Variants in AIG1 observed in about 807,000 individuals in gnomAD.
AIG1 encodes the protein androgen-induced gene 1 protein.
A neutral mutation model predicts 31.4 loss-of-function variants in AIG1; 23 were observed. The observed-to-expected ratio is 0.73, with a 90% CI of 0.53 to 1.04. AIG1 has a LOEUF of 1.04. Among genes scored for constraint, AIG1 ranks in the 50% least tolerant of loss-of-function variants. The pLI is 0.00. For synonymous variants in AIG1, 100 were observed against 110.5 expected (o/e 0.90, Z 0.60); for missense variants, 274 against 295.0 (o/e 0.93, Z 0.52).
intron 2 of AIG1, among the ~76,000 whole-genome samples, chr6:143,139,572 T>C (rs956047682): frequency 3.3e-5 from 5 of 152,302 alleles, no homozygotes; most frequent in Admixed American, 6.5e-5. Context: ...TCTTTCATAA[T>C]CATCCCTGTT....
At chr6:143,214,867 C>T (rs1035296506) in intron 3 of AIG1, among the ~76,000 whole-genome samples, 1 of 152,182 alleles carries the variant, frequency 6.6e-6, no homozygotes, top group Non-Finnish European at 1.5e-5. Context: ...TCCTGTTTCT[C>T]CCTACAAACT....
chr6:143,234,529 A>T (rs577019253), intron 3 of AIG1, among the ~76,000 whole-genome samples: 25 of 152,330 alleles, frequency 1.6e-4, no homozygotes, highest in African/African-American at 6.0e-4. Flanking sequence ...GAAAACATTG[A>T]TTGAGAGCTG....
intron 1 of AIG1, among the ~76,000 whole-genome samples, chr6:143,072,577 AT>A (rs541291286): frequency 8.8e-4 from 131 of 149,632 alleles, no homozygotes; most frequent in East Asian, 2.0e-3. Context: ...TTAGATATAG[AT>A]TTTTTTTTTG....
rs9496549 is a variant in AIG1, at chr6:143,266,831, C to T, written c.400-17279C>T. Reference sequence around the variant, plus strand: ...GGAACACACCTGTAGTTTAGCCCTACGCAGGAGGCTGAAGTGGAAGGATTG... The same window carrying T: ...GGAACACACCTGTAGTTTAGCCCTATGCAGGAGGCTGAAGTGGAAGGATTG... On this transcript the variant is annotated intron_variant, in intron 3 of 5. Transcript: ENST00000357847. Among the ~76,000 whole-genome samples, 1,018 of 152,172 alleles carry T rather than the reference C, an allele frequency of 6.7e-3. 11 individuals are homozygous for T. The highest frequency in any genetic ancestry group is 0.023 in the African/African-American group (967 of 41,494).
intron 4 of AIG1, among the ~76,000 whole-genome samples, chr6:143,313,151 C>A (rs1775448262): frequency 6.6e-6 from 1 of 152,048 alleles, no homozygotes; most frequent in African/African-American, 2.4e-5. Flanking sequence ...TTTGGAGCCT[C>A]TTCAAAAAAC....
At chr6:143,062,385 A>G (rs144786460) in intron 1 of AIG1, among the ~76,000 whole-genome samples, 79 of 152,270 alleles carry the variant, frequency 5.2e-4, no homozygotes, top group Middle Eastern at 3.4e-3. Context: ...AACATGCGTG[A>G]TGCCTGCCAG....
chr6:143,079,599 A>G (rs1778026680), intron 1 of AIG1, among the ~76,000 whole-genome samples: 1 of 152,128 alleles, frequency 6.6e-6, no homozygotes, highest in Non-Finnish European at 1.5e-5. Flanking sequence ...TATGTTTTCA[A>G]TATCTACTTT....
At chr6:143,342,649 C>T (rs879068796), downstream of AIG1, 2 of 1,204,610 alleles carry the variant, frequency 1.7e-6, no homozygotes, top group Admixed American at 1.7e-5. Flanking sequence ...ATTTTGATGG[C>T]ATAAAAGCTG....
intron 2 of AIG1, among the ~76,000 whole-genome samples, chr6:143,159,091 G>A (rs1198232082): frequency 6.6e-6 from 1 of 152,256 alleles, no homozygotes; most frequent in Non-Finnish European, 1.5e-5. Context: ...TGGCTTCCAT[G>A]TGGAGGTGCT....
chr6:143,295,584 C>A (rs1798367404), intron 4 of AIG1, among the ~76,000 whole-genome samples: 1 of 152,104 alleles, frequency 6.6e-6, no homozygotes, highest in Non-Finnish European at 1.5e-5. Context: ...GTGCCACAAA[C>A]AAATCCCACC....
intron 1 of AIG1, among the ~76,000 whole-genome samples, chr6:143,103,891 C>G (rs1780564801): frequency 6.6e-6 from 1 of 152,040 alleles, no homozygotes; most frequent in Non-Finnish European, 1.5e-5. Context: ...TGGTCACTGG[C>G]CAGGATTCAT....
At chr6:143,233,222 C>G (rs1295280524) in intron 3 of AIG1, among the ~76,000 whole-genome samples, 1 of 152,182 alleles carries the variant, frequency 6.6e-6, no homozygotes, top group Non-Finnish European at 1.5e-5. Flanking sequence ...CACGGACCAT[C>G]AGGGTGGCTC....
intron 1 of AIG1, 86 bp from the exon 2 acceptor site, chr6:143,136,749 A>G (rs1294636932): frequency 1.2e-5 from 14 of 1,179,842 alleles, no homozygotes; most frequent in East Asian, 5.7e-5. Context: ...ATTAGATGTC[A>G]TGTTGTACAC....
rs1797865291 is a variant in AIG1 at position 143,288,805 on chromosome 6, A to G, written c.515+4580A>G. ...TATACATTTTAAAGAGACAGAAGTT[A>G]CAAGCAAAGACATAAATCTATACCT... is the stretch of plus-strand genomic sequence containing the variant. On this transcript the variant is annotated intron_variant, in intron 4 of 5. Coordinates refer to ENST00000357847, the MANE Select transcript of AIG1 (RefSeq NM_016108.4). This position sits in a 1 kb window ranked among gnomAD's most constrained non-coding sequence, Gnocchi z 4.4. 6.6e-6 allele frequency among the ~76,000 whole-genome samples: 1 copy of G among 152,222 alleles called. No individual in the cohort carries two copies. Among genetic ancestry groups the G allele is most frequent in the African/African-American group, 2.4e-5 (1 of 41,466 alleles).
At chr6:143,076,712 G>T (rs1308861563) in intron 1 of AIG1, among the ~76,000 whole-genome samples, 3 of 128,966 alleles carry the variant, frequency 2.3e-5, no homozygotes, top group African/African-American at 3.0e-5. Flanking sequence ...TTGCTTTGTT[G>T]CCCAGGGTGT....
At chr6:143,100,982 G>A (rs1468186676) in intron 1 of AIG1, among the ~76,000 whole-genome samples, 1 of 152,122 alleles carries the variant, frequency 6.6e-6, no homozygotes. Flanking sequence ...ACCGTGCCCA[G>A]CCTATTCTCT....
rs1795550331 is a variant in AIG1 at position 143,258,934 on chromosome 6, A to G, written c.400-25176A>G. ...AACAATCTGCTCTCATGGGAACCAC[A>G]TCCAAACCATAGCAGAGGTCAACAG... is the stretch of plus-strand genomic sequence containing the variant. On this transcript the variant is annotated intron_variant, in intron 3 of 5. Transcript: ENST00000357847. The surrounding 1 kb of genome is among the most constrained non-coding windows in gnomAD (Gnocchi z 4.7). Among the ~76,000 whole-genome samples, 1 of 152,230 alleles carries G rather than the reference A, an allele frequency of 6.6e-6. No homozygotes were observed. The highest frequency in any genetic ancestry group is 2.4e-5 in the African/African-American group (1 of 41,460).
chr6:143,214,593 A>G (rs191226599), intron 3 of AIG1, among the ~76,000 whole-genome samples: 6 of 151,994 alleles, frequency 3.9e-5, no homozygotes, highest in African/African-American at 1.4e-4. Context: ...TGCCATCCAA[A>G]TCCTCCTCAT....
intron 3 of AIG1, among the ~76,000 whole-genome samples, chr6:143,208,586 G>C (rs1791317496): frequency 6.6e-6 from 1 of 152,100 alleles, no homozygotes; most frequent in Non-Finnish European, 1.5e-5. Context: ...TAGTGAGGAG[G>C]AAGAATAGCA....
Sources: gnomAD v4.1 joint callset for allele counts (sites outside exome capture counted in the v4.1 genomes callset) on GRCh38, gnomAD v4.1.1 for gene constraint, Gnocchi (gnomAD v3.1) non-coding constraint, MANE v1.5 for transcripts, NCBI Gene and HGNC (gene_info 2026-07-23, HGNC 2026-07-21) for gene names.